The following DPP6 variants were observed in gnomAD, a reference collection of about 807,000 sequenced individuals.
DPP6 encodes the protein A-type potassium channel modulatory protein DPP6.
In DPP6, 69 loss-of-function variants were observed where a neutral mutation model predicts 122.6. The ratio of observed to expected loss-of-function variants is 0.56; its 90% CI spans 0.46 to 0.69. DPP6 has a LOEUF of 0.69. Ranked by LOEUF, DPP6 falls within the 30% of genes least tolerant of loss-of-function variation. The pLI is 0.00. For synonymous variants in DPP6, 418 were observed against 433.1 expected (o/e 0.97, Z 0.43); for missense variants, 928 against 1,116.9 (o/e 0.83, Z 2.41).
At chr7:154,791,637 G>T (rs1022283948) in intron 10 of DPP6, among the ~76,000 whole-genome samples, 15 of 152,198 alleles carry the variant, frequency 9.9e-5, no homozygotes, top group Non-Finnish European at 1.8e-4. Flanking sequence ...GAAACAGTGT[G>T]GTGGCTACTT....
At chr7:153,959,872 C>A (rs1465113073) in intron 1 of DPP6, among the ~76,000 whole-genome samples, 2 of 152,250 alleles carry the variant, frequency 1.3e-5, no homozygotes. Context: ...AGAGGCCTAG[C>A]TTTCAGCCGA....
intron 1 of DPP6, among the ~76,000 whole-genome samples, chr7:154,098,377 T>C (rs11491621): frequency 0.034 from 5,094 of 151,442 alleles, 283 homozygotes; most frequent in African/African-American, 0.12. Context: ...TTACCCAGTA[T>C]TAGGTATGTC....
At chr7:154,649,514 C>G (rs1836730069) in intron 6 of DPP6, among the ~76,000 whole-genome samples, 1 of 152,200 alleles carries the variant, frequency 6.6e-6, no homozygotes, top group African/African-American at 2.4e-5. Context: ...ACTCACTACC[C>G]CAGGACTGAC....
At chr7:154,430,728 T>C (rs542381603) in intron 1 of DPP6, among the ~76,000 whole-genome samples, 1 of 152,296 alleles carries the variant, frequency 6.6e-6, no homozygotes, top group South Asian at 2.1e-4. Flanking sequence ...ACTCTGTGCT[T>C]GACGCTCTGC....
intron 1 of DPP6, among the ~76,000 whole-genome samples, chr7:154,060,326 A>C (rs879213473): frequency 2.7e-5 from 3 of 110,124 alleles, no homozygotes; most frequent in African/African-American, 3.4e-5. Context: ...CCCCCATCGC[A>C]GGAGGGGGAG....
At chr7:154,587,725 TG>T in intron 5 of DPP6, 1 of 1,559,432 alleles carries the variant, frequency 6.4e-7, no homozygotes. Context: ...AAGTCAAGCC[TG>T]TAGCCCAGCT....
chr7:154,863,765 T>C lies in DPP6; in HGVS notation c.1715-4230T>C, dbSNP rs1368560970. 6.6e-6 allele frequency among the ~76,000 whole-genome samples: 1 copy of C among 151,930 alleles called. No homozygotes were observed. The highest frequency in any genetic ancestry group is 1.5e-5 in the Non-Finnish European group (1 of 68,004). On this transcript the variant is annotated intron_variant, in intron 17 of 25. Transcript: ENST00000377770. The surrounding 1 kb of genome is among the most constrained non-coding windows in gnomAD (Gnocchi z 4.1). ...GGGTGTTCGAGGCTGCAGTGAGTTA[T>C]GATTTCACCACTGCACTCCAACCTG...
chr7:154,283,453 T>C (rs1269410618), intron 1 of DPP6, among the ~76,000 whole-genome samples: 1 of 151,862 alleles, frequency 6.6e-6, no homozygotes, highest in East Asian at 1.9e-4. Context: ...TTCATTGTCA[T>C]CATCATAGTC....
At chr7:153,959,514 T>A (rs148556563) in intron 1 of DPP6, among the ~76,000 whole-genome samples, 395 of 152,396 alleles carry the variant, frequency 2.6e-3, no homozygotes, top group African/African-American at 8.6e-3. Context: ...AGCTTCTCCA[T>A]CAGCACTTGC....
At chr7:154,703,267 C>G (rs914609459) in intron 7 of DPP6, among the ~76,000 whole-genome samples, 3 of 152,204 alleles carry the variant, frequency 2.0e-5, no homozygotes, top group Non-Finnish European at 4.4e-5. Context: ...CACATAACAT[C>G]CATTTTGCAG....
intron 1 of DPP6, among the ~76,000 whole-genome samples, chr7:153,966,387 A>G (rs1795721668): frequency 6.7e-6 from 1 of 149,450 alleles, no homozygotes; most frequent in African/African-American, 2.5e-5. Flanking sequence ...CTTGCAGGGG[A>G]GGCACCAGCT....
At chr7:154,870,672 G>A (rs1804305457) in intron 18 of DPP6, among the ~76,000 whole-genome samples, 1 of 151,818 alleles carries the variant, frequency 6.6e-6, no homozygotes. Flanking sequence ...GCCAAGAAAT[G>A]TGTGTATTGG....
chr7:153,960,540 A>T lies in DPP6; in HGVS notation c.51+72806A>T, dbSNP rs533139229. Among the ~76,000 whole-genome samples, 370 of 150,506 alleles carry T rather than the reference A, an allele frequency of 2.5e-3. 1 individual carries two copies. Among genetic ancestry groups the T allele is most frequent in the Non-Finnish European group, 3.9e-3 (264 of 67,518 alleles). On this transcript the variant is annotated intron_variant, in intron 1 of 25. Transcript: ENST00000404039. The stretch of plus-strand genomic sequence containing the variant: ...AGCTGGAAAGAGTGAGTGATACCGA[A>T]CTTTATTTTTTCATAGGAAATACAA...
chr7:153,915,978 TA>T (rs1800290717), intron 1 of DPP6, among the ~76,000 whole-genome samples: 3 of 139,604 alleles, frequency 2.1e-5, no homozygotes, highest in East Asian at 4.2e-4. Context: ...TTTATTTATT[TA>T]TTTTCGAGAC....
chr7:154,442,027 A>C (rs1236372445), intron 1 of DPP6, among the ~76,000 whole-genome samples: 1 of 152,230 alleles, frequency 6.6e-6, no homozygotes, highest in Non-Finnish European at 1.5e-5. Flanking sequence ...TTTGCATTAC[A>C]TCTTGCAGAA....
intron 7 of DPP6, among the ~76,000 whole-genome samples, chr7:154,688,406 C>T (rs984905039): frequency 3.9e-5 from 6 of 152,158 alleles, no homozygotes; most frequent in Non-Finnish European, 8.8e-5. Flanking sequence ...TTTAAATTTA[C>T]TCTTACATAT....
At position 154,250,549 on chromosome 7, in the gene DPP6, T is replaced by A. The variant is rs573839633; in HGVS notation, c.244-195665T>A. On this transcript the variant is annotated intron_variant, in intron 1 of 25. Transcript: ENST00000377770. ...AAATGGATTTCCTTACTTTTTCTGA[T>A]CCTGTGTAGGAACTGTAGAAAAATG... Among the ~76,000 whole-genome samples the A allele has an allele frequency of 4.6e-5, 7 of 152,274 alleles. No homozygotes were observed. In the East Asian group the frequency reaches 1.4e-3, roughly 30 times the overall value.
chr7:154,664,171 T>C (rs4960584), intron 6 of DPP6, among the ~76,000 whole-genome samples: 125,494 of 146,152 alleles, frequency 0.86, 54,249 homozygotes, highest in East Asian at 0.98. Context: ...GGTGAATCAC[T>C]ATGGCATATT....
intron 1 of DPP6, among the ~76,000 whole-genome samples, chr7:154,345,901 C>T (rs954881478): frequency 2.0e-5 from 3 of 152,190 alleles, no homozygotes; most frequent in Non-Finnish European, 4.4e-5. Context: ...ATCATTTCTT[C>T]GCATGCAAAG....
Sources: gnomAD v4.1 joint callset for allele counts (sites outside exome capture counted in the v4.1 genomes callset) on GRCh38, gnomAD v4.1.1 for gene constraint, Gnocchi (gnomAD v3.1) non-coding constraint, MANE v1.5 for transcripts, NCBI Gene and HGNC (gene_info 2026-07-23, HGNC 2026-07-21) for gene names.